Variants in ETNK1 observed in about 807,000 individuals in gnomAD.
ETNK1 encodes putative protein product of Nbla10396.
A neutral mutation model predicts 45.1 loss-of-function variants in ETNK1; 8 were observed. The observed-to-expected ratio is 0.18, with a 90% confidence interval of 0.10 to 0.32. The LOEUF is 0.32. Among genes scored for constraint, ETNK1 ranks in the 10% least tolerant of loss-of-function variants. The pLI is 1.00. For synonymous variants in ETNK1, 152 were observed against 151.9 expected (o/e 1.00, Z -0.01); for missense variants, 302 against 430.6 (o/e 0.70, Z 2.64).
chr12:22,671,604 C>G (rs1454782218), intron 5 of ETNK1, among the ~76,000 whole-genome samples: 1 of 151,438 alleles, frequency 6.6e-6, no homozygotes, highest in Non-Finnish European at 1.5e-5. Flanking sequence ...TTTGGGAGGC[C>G]GAGGTGGGCG....
Position 22,675,161 on chromosome 12 carries a change from C to T in ETNK1, c.945+1501C>T, listed in dbSNP as rs138893129. Among the ~76,000 whole-genome samples the T allele has an allele frequency of 1.2e-3, 190 of 152,104 alleles. 1 individual carries two copies. The highest frequency in any genetic ancestry group is 7.5e-4 in the Non-Finnish European group (51 of 67,980). Reference sequence around the variant, plus strand: ...ACAGCTCATTGCAGCCTCAACCTCCCGGGCTTAAGCAGTCCTCCCACTTGA... The same window carrying T: ...ACAGCTCATTGCAGCCTCAACCTCCTGGGCTTAAGCAGTCCTCCCACTTGA... On this transcript the variant is annotated intron_variant, in intron 6 of 7. Transcript: ENST00000266517.
At chr12:22,666,073 G>A (rs1480648609) in intron 4 of ETNK1, among the ~76,000 whole-genome samples, 3 of 152,118 alleles carry the variant, frequency 2.0e-5, no homozygotes, top group African/African-American at 4.8e-5. Context: ...GAACAGATAG[G>A]CATCACGGGA....
chr12:22,639,203 T>C (rs934547492), intron 1 of ETNK1, among the ~76,000 whole-genome samples: 1 of 152,102 alleles, frequency 6.6e-6, no homozygotes, highest in African/African-American at 2.4e-5. Context: ...TGTGGTGTTT[T>C]TTAATTTTTA....
chr12:22,672,865 A>C (rs745358435), intron 5 of ETNK1, among the ~76,000 whole-genome samples: 33 of 152,222 alleles, frequency 2.2e-4, no homozygotes, highest in Non-Finnish European at 3.1e-4. Flanking sequence ...TTTCCAAACT[A>C]TAGATCATGA....
At chr12:22,671,990 A>C (rs1954114002) in intron 5 of ETNK1, among the ~76,000 whole-genome samples, 1 of 152,052 alleles carries the variant, frequency 6.6e-6, no homozygotes, top group South Asian at 2.1e-4. Flanking sequence ...CGCAGTTTAC[A>C]TATCAAGAAA....
intron 3 of ETNK1, among the ~76,000 whole-genome samples, chr12:22,660,546 G>T (rs1417204091): frequency 6.6e-6 from 1 of 152,028 alleles, no homozygotes; most frequent in African/African-American, 2.4e-5. Flanking sequence ...ATTATATAAG[G>T]ATAACTTTAT....
At chr12:22,652,049 A>G (rs572200838) in intron 2 of ETNK1, among the ~76,000 whole-genome samples, 2 of 152,156 alleles carry the variant, frequency 1.3e-5, no homozygotes, top group African/African-American at 4.8e-5. Flanking sequence ...ACCGTCATCT[A>G]CTTTCTATCC....
At chr12:22,678,529 G>A (rs4963827) in intron 6 of ETNK1, among the ~76,000 whole-genome samples, 54,721 of 152,040 alleles carry the variant, frequency 0.36, 10,222 homozygotes, top group Non-Finnish European at 0.41. Flanking sequence ...TACAAAGATA[G>A]TTTTTTCCCC....
intron 6 of ETNK1, among the ~76,000 whole-genome samples, chr12:22,676,514 G>A (rs995281312): frequency 6.6e-6 from 1 of 152,012 alleles, no homozygotes; most frequent in Non-Finnish European, 1.5e-5. Flanking sequence ...AATCCTTTGG[G>A]TATATACCCA....
At chr12:22,681,653 AC>A (rs1954217060) in intron 6 of ETNK1, among the ~76,000 whole-genome samples, 1 of 151,926 alleles carries the variant, frequency 6.6e-6, no homozygotes, top group African/African-American at 2.4e-5. Flanking sequence ...TTTAAAATAA[AC>A]TCATTACATT....
At chr12:22,651,719 A>C (rs1435480662) in intron 2 of ETNK1, among the ~76,000 whole-genome samples, 1 of 124,506 alleles carries the variant, frequency 8.0e-6, no homozygotes, top group Non-Finnish European at 1.6e-5. Flanking sequence ...GAGTCTCGCC[A>C]TGTCGCCCAG....
intron 2 of ETNK1, among the ~76,000 whole-genome samples, chr12:22,649,477 T>G (rs959194169): frequency 3.3e-5 from 5 of 152,132 alleles, no homozygotes; most frequent in Non-Finnish European, 5.9e-5. Context: ...AGTCTATCTT[T>G]TCTCCATTAT....
chr12:22,631,009 A>G (rs1953572601), intron 1 of ETNK1, among the ~76,000 whole-genome samples: 1 of 152,182 alleles, frequency 6.6e-6, no homozygotes, highest in African/African-American at 2.4e-5. Flanking sequence ...AAATTGGGAA[A>G]TAATGATCAC....
At chr12:22,678,085 T>A (rs998753731) in intron 6 of ETNK1, among the ~76,000 whole-genome samples, 1 of 152,164 alleles carries the variant, frequency 6.6e-6, no homozygotes, top group East Asian at 1.9e-4. Context: ...TCCAAGACTT[T>A]CTATATCTTC....
At chr12:22,640,474 C>T (rs891906204) in intron 1 of ETNK1, among the ~76,000 whole-genome samples, 2 of 149,190 alleles carry the variant, frequency 1.3e-5, no homozygotes, top group African/African-American at 4.9e-5. Context: ...TGGATTTAAG[C>T]TACTTTTAGA....
intron 1 of ETNK1, chr12:22,626,200 A>G (rs1953493014): frequency 5.3e-6 from 1 of 189,844 alleles, no homozygotes; most frequent in Admixed American, 5.9e-5. Flanking sequence ...TTAATACCTG[A>G]TACTAGAAGG....
Position 22,685,135 on chromosome 12 carries a change from A to G in ETNK1, c.*181A>G, listed in dbSNP as rs1340958202. On this transcript the variant is annotated 3_prime_UTR_variant, in exon 8 of 8. Coordinates refer to ENST00000266517, the MANE Select transcript of ETNK1 (RefSeq NM_018638.5). ...TAGACTGAATGATGTCAAGAAATAT[A>G]CCTACTGCTATCCGTATGTGGTGGA... 3 of 506,904 alleles carry G rather than the reference A, an allele frequency of 5.9e-6. No homozygotes were observed. Among genetic ancestry groups the G allele is most frequent in the Non-Finnish European group, 1.0e-5 (3 of 287,526 alleles). 31.4% of individuals were successfully genotyped at this position (506,904 alleles called of 1,614,324 possible). A position where few individuals can be genotyped will look rare whatever the true frequency, so the allele number is the denominator to read the frequency against.
chr12:22,625,534 G>C lies in ETNK1; in HGVS notation c.104G>C (p.Ser35Thr), dbSNP rs1953480814. 5 of 1,605,900 alleles carry C rather than the reference G, an allele frequency of 3.1e-6. No homozygotes were observed. The highest frequency in any genetic ancestry group is 4.2e-6 in the Non-Finnish European group (5 of 1,176,752). Residue 35 changes from serine to threonine, a missense_variant, in exon 1 of 8, where the codon AGC (serine) becomes ACC (threonine). Transcript: ENST00000266517. ...CATCGCTGCCGGGAGGGGGCCCTGA[G>C]CCTCCTGCAACACCTGCGGCCTCAC... ...EEHRCREGAL[S>T]LLQHLRPHWD...
intron 4 of ETNK1, among the ~76,000 whole-genome samples, chr12:22,662,058 C>CG (rs2137558183): frequency 2.2e-4 from 1 of 4,594 alleles, no homozygotes; most frequent in African/African-American, 2.7e-4. Flanking sequence ...TTCCCCGCAC[C>CG]CCCCCCCCCT....
Sources: gnomAD v4.1 joint callset for allele counts (sites outside exome capture counted in the v4.1 genomes callset) on GRCh38, gnomAD v4.1.1 for gene constraint, MANE v1.5 for transcripts, NCBI Gene and HGNC (gene_info 2026-07-23, HGNC 2026-07-21) for gene names.